The following SPON1 variants were observed in gnomAD, a reference collection of about 807,000 sequenced individuals.
SPON1 encodes spondin 1.
SPON1 carries 52 observed loss-of-function variants against 111.7 expected under a neutral mutation model. The ratio of observed to expected loss-of-function variants is 0.47; its 90% confidence interval spans 0.37 to 0.59. SPON1 has a LOEUF of 0.59. Ranked by LOEUF, SPON1 falls within the 20% of genes least tolerant of loss-of-function variation. SPON1 has a pLI of 0.00. For missense variants in SPON1, 957 were observed against 1,068.5 expected, an observed-to-expected ratio of 0.90 and a Z score of 1.46; for synonymous variants, 410 against 395.8, an observed-to-expected ratio of 1.04 and a Z score of -0.43.
rs1373259721 is a variant in SPON1, at chr11:14,258,284, C to T, written c.1492+386C>T. On this transcript the variant is annotated intron_variant, in intron 11 of 15. Coordinates refer to ENST00000576479, the MANE Select transcript of SPON1 (RefSeq NM_006108.4). ...TGCCCTAATTCTGTCATTTACAGCC[C>T]CTCATCTGTGTTCCACCTCAGCGTG... Among the ~76,000 whole-genome samples the T allele has an allele frequency of 2.6e-5, 4 of 152,202 alleles. No homozygotes were observed. The South Asian group carries it at 6.2e-4, about 24-fold the overall frequency.
chr11:14,218,423 G>C (rs1341941438), intron 6 of SPON1, among the ~76,000 whole-genome samples: 1 of 152,196 alleles, frequency 6.6e-6, no homozygotes, highest in Non-Finnish European at 1.5e-5. Flanking sequence ...TTGCCATTAT[G>C]TGTTCCCATT....
Position 14,080,037 on chromosome 11 carries a change from A to T in SPON1, c.676+16A>T. 1 of 1,613,498 alleles carries T rather than the reference A, an allele frequency of 6.2e-7. No homozygotes were observed. On this transcript the variant is annotated intron_variant, in intron 5 of 15. Coordinates refer to ENST00000576479, the MANE Select transcript of SPON1 (RefSeq NM_006108.4). ...GATTACCCTCGTGAGTAGAGTGGCTACTCTGTGGTTTGGGGAAAAGCACAT... is the reference window on the plus strand; with the variant it reads ...GATTACCCTCGTGAGTAGAGTGGCTTCTCTGTGGTTTGGGGAAAAGCACAT...
At chr11:14,058,687 C>T (rs1212653001) in intron 3 of SPON1, among the ~76,000 whole-genome samples, 1 of 152,184 alleles carries the variant, frequency 6.6e-6, no homozygotes, top group East Asian at 1.9e-4. Context: ...TTTATCGCTT[C>T]CTTTGCCAAA....
At chr11:14,161,086 ATATATATCTATATATTTTATATATATC>A (rs1554931191) in intron 6 of SPON1, among the ~76,000 whole-genome samples, 20 of 25,442 alleles carry the variant, frequency 7.9e-4, no homozygotes, top group South Asian at 1.2e-3. Context: ...TTATATATTT[ATATATATCTATATATTTTATATATATC>A]TATATATCTA....
intron 1 of SPON1, among the ~76,000 whole-genome samples, chr11:13,964,844 G>A (rs11603315): frequency 0.25 from 37,291 of 152,082 alleles, 4,736 homozygotes; most frequent in South Asian, 0.36. Flanking sequence ...CCAAAACTGA[G>A]GACCTGAGTT....
intron 6 of SPON1, among the ~76,000 whole-genome samples, chr11:14,149,570 G>A (rs1847764312): frequency 6.6e-6 from 1 of 152,108 alleles, no homozygotes; most frequent in Admixed American, 6.6e-5. Context: ...TAATGTCCTA[G>A]GCCTTCACAT....
intron 2 of SPON1, among the ~76,000 whole-genome samples, chr11:14,031,990 A>G (rs7926622): frequency 6.6e-6 from 1 of 152,196 alleles, no homozygotes; most frequent in African/African-American, 2.4e-5. Context: ...TGTCAAATTT[A>G]GCTAAGGGGG....
chr11:14,095,134 A>G (rs1281308028), intron 5 of SPON1, among the ~76,000 whole-genome samples: 1 of 152,176 alleles, frequency 6.6e-6, no homozygotes, highest in Admixed American at 6.5e-5. Context: ...AGGCTCTGAA[A>G]AGGATCCTGT....
intron 6 of SPON1, among the ~76,000 whole-genome samples, chr11:14,167,837 T>C (rs1423607088): frequency 3.3e-5 from 5 of 152,160 alleles, no homozygotes; most frequent in African/African-American, 1.2e-4. Flanking sequence ...CTCTTAAATC[T>C]TAGCCACCTT....
intron 4 of SPON1, among the ~76,000 whole-genome samples, chr11:14,079,646 G>A (rs1328129004): frequency 6.6e-6 from 1 of 151,724 alleles, no homozygotes; most frequent in East Asian, 1.9e-4. Context: ...ATAGCCTATG[G>A]GTTATTGCTC....
intron 6 of SPON1, among the ~76,000 whole-genome samples, chr11:14,184,698 T>G (rs1848268013): frequency 6.6e-6 from 1 of 152,188 alleles, no homozygotes; most frequent in Admixed American, 6.5e-5. Flanking sequence ...CTGTGATTCT[T>G]TCAACATTAG....
intron 3 of SPON1, among the ~76,000 whole-genome samples, chr11:14,071,300 C>T (rs1848873738): frequency 6.6e-6 from 1 of 152,106 alleles, no homozygotes; most frequent in Non-Finnish European, 1.5e-5. Context: ...AAGTCTTGGT[C>T]TCCACTAGCA....
intron 6 of SPON1, among the ~76,000 whole-genome samples, chr11:14,193,987 C>A (rs1240286649): frequency 6.6e-6 from 1 of 152,212 alleles, no homozygotes; most frequent in African/African-American, 2.4e-5. Flanking sequence ...TACAGAAGGA[C>A]CCCTGCTGAG....
intron 2 of SPON1, among the ~76,000 whole-genome samples, chr11:14,021,654 C>T (rs999099730): frequency 1.3e-5 from 2 of 152,186 alleles, no homozygotes; most frequent in Admixed American, 1.3e-4. Flanking sequence ...AAACCCAAGG[C>T]CCTGGAAGGA....
At chr11:14,010,345 G>T (rs916249281) in intron 2 of SPON1, among the ~76,000 whole-genome samples, 1 of 151,890 alleles carries the variant, frequency 6.6e-6, no homozygotes, top group African/African-American at 2.4e-5. Flanking sequence ...GATGAGAGGG[G>T]GATGGGATTA....
At chr11:13,965,424 T>C (rs1464976709) in intron 1 of SPON1, among the ~76,000 whole-genome samples, 1 of 152,152 alleles carries the variant, frequency 6.6e-6, no homozygotes, top group Non-Finnish European at 1.5e-5. Context: ...CTGGTGGCCC[T>C]AGCACTGGGA....
At chr11:14,245,990 C>G (rs1564940237) in intron 7 of SPON1, among the ~76,000 whole-genome samples, 1 of 152,248 alleles carries the variant, frequency 6.6e-6, no homozygotes, top group Admixed American at 6.5e-5. Context: ...CACCCTGAAT[C>G]TCCTTACTCT....
intron 3 of SPON1, among the ~76,000 whole-genome samples, chr11:14,051,643 C>A (rs189712506): frequency 9.2e-5 from 14 of 152,106 alleles, no homozygotes; most frequent in Non-Finnish European, 2.1e-4. Flanking sequence ...CTTTACAGGG[C>A]ACTGAATATG....
At chr11:13,996,296 G>A (rs976440539) in intron 2 of SPON1, among the ~76,000 whole-genome samples, 3 of 152,240 alleles carry the variant, frequency 2.0e-5, no homozygotes, top group South Asian at 2.1e-4. Context: ...TTTTAAAAGC[G>A]ATGTCAACAC....
Sources: gnomAD v4.1 joint callset for allele counts (sites outside exome capture counted in the v4.1 genomes callset) on GRCh38, gnomAD v4.1.1 for gene constraint, MANE v1.5 for transcripts, NCBI Gene and HGNC (gene_info 2026-07-23, HGNC 2026-07-21) for gene names.